Variants in HCN4 observed in about 807,000 individuals in gnomAD.
HCN4 encodes potassium/sodium hyperpolarization-activated cyclic nucleotide-gated channel 4.
In HCN4, 29 loss-of-function variants were observed where a neutral mutation model predicts 76.9. The observed-to-expected ratio is 0.38, with a 90% CI of 0.28 to 0.51. The LOEUF (loss-of-function observed/expected upper bound fraction) is 0.51, where lower values mean the gene tolerates loss of function less well. Among genes scored for constraint, HCN4 ranks in the 20% least tolerant of loss-of-function variants. The probability of loss-of-function intolerance (pLI) is 0.90; values close to 1 mark genes in which losing one functional copy is unlikely to be tolerated. For synonymous variants in HCN4, 772 were observed against 762.5 expected, an observed-to-expected ratio of 1.01 and a Z score of -0.21; for missense variants, 1,416 against 1,715.2, an observed-to-expected ratio of 0.83 and a Z score of 3.08.
In HCN4 at chr15:73,367,923, G is replaced by A. The variant is rs2043136699; in HGVS notation, c.348C>T (p.Gly116=). ...AGTCATGCAGGTGTCCGTGACTGCT[G>A]CCGCTCCCCGTGCCGCCGCTGCCGC... is the stretch of plus-strand genomic sequence containing the variant. ...RGGGSGGTGS[G]SSHGHLHDSA... Residue 116 remains glycine, a synonymous_variant, in exon 1 of 8, where the codon GGC becomes GGT. Transcript: ENST00000261917. The surrounding 1 kb of genome is among the most constrained non-coding windows in gnomAD (Gnocchi z 7.5). 4 of 1,374,186 alleles carry A rather than the reference G, an allele frequency of 2.9e-6. No homozygotes were observed. The highest frequency in any genetic ancestry group is 3.0e-5 in the African/African-American group (2 of 66,684). The allele number at this position is 1,374,186 out of a possible 1,614,324, so 85.1% of individuals were successfully genotyped here.
rs1257866910 is a variant in HCN4 at position 73,328,503 on chromosome 15, C to G, written c.1590+1070G>C. Among the ~76,000 whole-genome samples the G allele has an allele frequency of 6.6e-6, 1 of 152,012 alleles. No homozygotes were observed. The highest frequency in any genetic ancestry group is 1.9e-4 in the East Asian group (1 of 5,136). ...TGACGTGTTTTAGATGCCGCTCCAA[C>G]TGCTGTGTGAGGTGTGCAGTGGAAG... On this transcript the variant is annotated intron_variant, in intron 4 of 7. Transcript: ENST00000261917. This position sits in a 1 kb window ranked among gnomAD's most constrained non-coding sequence, Gnocchi z 4.0.
intron 1 of HCN4, among the ~76,000 whole-genome samples, chr15:73,363,121 C>T (rs775006153): frequency 6.6e-6 from 1 of 152,188 alleles, no homozygotes; most frequent in Non-Finnish European, 1.5e-5. Context: ...ACACAGCCTG[C>T]GGCTCCTTTC....
chr15:73,355,000 TC>T (rs1260408409), intron 1 of HCN4, among the ~76,000 whole-genome samples: 1 of 152,196 alleles, frequency 6.6e-6, no homozygotes, highest in Non-Finnish European at 1.5e-5. Flanking sequence ...ATGCAGAATC[TC>T]TGACTCTGTA....
chr15:73,352,469 G>A (rs1366972576), intron 1 of HCN4, among the ~76,000 whole-genome samples: 1 of 152,214 alleles, frequency 6.6e-6, no homozygotes, highest in East Asian at 1.9e-4. Flanking sequence ...GACAGAAAAA[G>A]AGCGGAGACA....
Position 73,323,475 on chromosome 15 carries a change from G to A in HCN4, c.2618C>T (p.Pro873Leu). 6.2e-7 allele frequency: 1 copy of A among 1,606,444 alleles called. No homozygotes were observed. The highest frequency in any genetic ancestry group is 1.7e-4 in the Middle Eastern group (1 of 6,056). ...GGAGGAGCTGGATGAGGGCAGGAGT[G>A]GGCTCAGTCCAGCGGGGGCAGAGAA... ...AGFSAPAGLS[P>L]LLPSSSSSPP... The change falls in exon 8 of 8, where the codon CCA becomes CTA. Residue 873 changes from proline (P) to leucine (L), a missense_variant. Transcript: ENST00000261917.
At chr15:73,353,695 C>A (rs1280405359) in intron 1 of HCN4, among the ~76,000 whole-genome samples, 1 of 152,194 alleles carries the variant, frequency 6.6e-6, no homozygotes, top group Non-Finnish European at 1.5e-5. Context: ...AGCTGCCTCT[C>A]TGGTGGTGGG....
intron 2 of HCN4, among the ~76,000 whole-genome samples, chr15:73,338,609 C>T (rs2042980149): frequency 6.6e-6 from 1 of 152,202 alleles, no homozygotes; most frequent in South Asian, 2.1e-4. Context: ...CCCAGCCCTC[C>T]CAACAAAGAG....
In HCN4 at chr15:73,323,559, C is replaced by A; in HGVS notation, c.2534G>T (p.Ser845Ile). The A allele has an allele frequency of 6.2e-7, 1 of 1,600,908 alleles. No individual in the cohort carries two copies. The highest frequency in any genetic ancestry group is 1.3e-5 in the African/African-American group (1 of 75,036). ...SALGSASPASSPSQVDTPSSS... is the reference protein window; with the variant it reads ...SALGSASPASIPSQVDTPSSS... ...AGACGGTGTGTCCACCTGGGACGGG[C>A]TGCTGGCGGGCGAGGCGGAGCCCAG... The change falls in exon 8 of 8, where the codon AGC becomes ATC. Residue 845 changes from serine to isoleucine, a missense_variant. By Grantham distance (142) the Ser-to-Ile change is moderately radical (BLOSUM62 -2). This residue lies in a region of HCN4 where 633 missense variants were observed against 579.8 expected (regional missense o/e 1.09). Transcript: ENST00000261917.
intron 1 of HCN4, among the ~76,000 whole-genome samples, chr15:73,361,304 C>T (rs1406467906): frequency 6.6e-6 from 1 of 152,182 alleles, no homozygotes; most frequent in East Asian, 1.9e-4. Flanking sequence ...CTCCCAGTGG[C>T]TTCCTAGCCC....
chr15:73,368,355 G>T lies in HCN4; in HGVS notation c.-85C>A. 1.0e-6 allele frequency: 1 copy of T among 1,000,486 alleles called. No individual in the cohort carries two copies. The highest frequency in any genetic ancestry group is 1.3e-6 in the Non-Finnish European group (1 of 756,240). 62.0% of individuals were successfully genotyped at this position (1,000,486 alleles called of 1,614,324 possible). On this transcript the variant is annotated 5_prime_UTR_variant, in exon 1 of 8. Coordinates refer to ENST00000261917, the MANE Select transcript of HCN4 (RefSeq NM_005477.3). The surrounding 1 kb of genome is among the most constrained non-coding windows in gnomAD (Gnocchi z 6.9). ...TCCAGGTCCGCCCGCCGGTCAGTCC[G>T]CCCGTGGGGACGCGTCCTTTGCCGC...
intron 1 of HCN4, among the ~76,000 whole-genome samples, chr15:73,359,427 C>G (rs1349409117): frequency 1.3e-5 from 2 of 152,156 alleles, no homozygotes; most frequent in East Asian, 3.9e-4. Flanking sequence ...ATAATTTGTA[C>G]TTTACCTCCC....
chr15:73,355,779 A>C (rs550942786), intron 1 of HCN4, among the ~76,000 whole-genome samples: 2 of 151,948 alleles, frequency 1.3e-5, no homozygotes, highest in East Asian at 1.9e-4. Context: ...ACACACACAC[A>C]CCGCCAAACT....
chr15:73,329,217 G>C lies in HCN4; in HGVS notation c.1590+356C>G, dbSNP rs542270666. Among the ~76,000 whole-genome samples the C allele has an allele frequency of 5.3e-5, 8 of 152,296 alleles. No homozygotes were observed. In the East Asian group the frequency reaches 1.5e-3, roughly 29 times the overall value. On this transcript the variant is annotated intron_variant, in intron 4 of 7. Transcript: ENST00000261917. ...GCCAGAGGGGCAGGAGCAACACCGC[G>C]AGAGTGCGGTCCTGGAGAACGAGTG... is the stretch of plus-strand genomic sequence containing the variant.
At chr15:73,347,415 G>A (rs2043034410) in intron 1 of HCN4, among the ~76,000 whole-genome samples, 1 of 152,174 alleles carries the variant, frequency 6.6e-6, no homozygotes, top group Non-Finnish European at 1.5e-5. Flanking sequence ...ACCACAGCAG[G>A]TGTGGCCCCT....
chr15:73,324,742 C>A (rs1032406087), intron 6 of HCN4, among the ~76,000 whole-genome samples: 3 of 152,160 alleles, frequency 2.0e-5, no homozygotes, highest in Non-Finnish European at 2.9e-5. Context: ...AGAACCATGA[C>A]ACATACATTT....
At chr15:73,340,355 G>A (rs1294280676) in intron 2 of HCN4, among the ~76,000 whole-genome samples, 8 of 152,226 alleles carry the variant, frequency 5.3e-5, no homozygotes, top group African/African-American at 1.9e-4. Flanking sequence ...ACGAATGGAT[G>A]CTGGAGGAGG....
At chr15:73,342,515 C>T (rs1372975673) in intron 2 of HCN4, 1 of 152,272 alleles carries the variant, frequency 6.6e-6, no homozygotes, top group Admixed American at 6.5e-5. Context: ...TATAAACATT[C>T]CAACTCCCTT....
In HCN4 at chr15:73,343,481, G is replaced by A; in HGVS notation, c.1113C>T (p.Ala371=). 2 of 1,614,210 alleles carry A rather than the reference G, an allele frequency of 1.2e-6. No individual in the cohort carries two copies. The highest frequency in any genetic ancestry group is 8.5e-7 in the Non-Finnish European group (1 of 1,180,042). ...TGAAGCGGACAATGCGCAGGGCCCG[G>A]GCAGTCTTGTAGACCTCCGAGTCGA... ...TRIDSEVYKT[A]RALRIVRFTK... The change falls in exon 2 of 8, where the codon GCC becomes GCT. Residue 371 remains alanine, a synonymous_variant. Transcript: ENST00000261917. The surrounding 1 kb of genome is among the most constrained non-coding windows in gnomAD (Gnocchi z 5.7).
At position 73,367,925 on chromosome 15, in the gene HCN4, C is replaced by T. The variant is rs753771827; in HGVS notation, c.346G>A (p.Gly116Ser). 3 of 1,374,160 alleles carry T rather than the reference C, an allele frequency of 2.2e-6. No individual in the cohort carries two copies. The highest frequency in any genetic ancestry group is 5.9e-5 in the East Asian group (2 of 33,758). 85.1% of individuals were successfully genotyped at this position (1,374,160 alleles called of 1,614,324 possible). The change falls in exon 1 of 8, where the codon GGC (glycine) becomes AGC (serine). Residue 116 changes from glycine (G) to serine (S), a missense_variant. Gly to Ser is a moderately conservative substitution (Grantham distance 56). This residue lies in a region of HCN4 where 355 missense variants were observed against 347.8 expected (regional missense o/e 1.02). Coordinates refer to ENST00000261917, the MANE Select transcript of HCN4 (RefSeq NM_005477.3). This position sits in a 1 kb window ranked among gnomAD's most constrained non-coding sequence, Gnocchi z 7.5. Reference protein sequence around the residue: ...RGGGSGGTGSGSSHGHLHDSA... With the variant: ...RGGGSGGTGSSSSHGHLHDSA... ...TCATGCAGGTGTCCGTGACTGCTGCCGCTCCCCGTGCCGCCGCTGCCGCCG... is the reference window on the plus strand; with the variant it reads ...TCATGCAGGTGTCCGTGACTGCTGCTGCTCCCCGTGCCGCCGCTGCCGCCG...
Sources: gnomAD v4.1 joint callset for allele counts (sites outside exome capture counted in the v4.1 genomes callset) on GRCh38, gnomAD v4.1.1 for gene constraint, gnomAD v4.1.1 regional missense constraint, Gnocchi (gnomAD v3.1) non-coding constraint, MANE v1.5 for transcripts, NCBI Gene and HGNC (gene_info 2026-07-23, HGNC 2026-07-21) for gene names.